Variants in TMEM161B observed in about 807,000 individuals in gnomAD.
TMEM161B encodes the protein transmembrane protein 161B.
TMEM161B carries 34 observed loss-of-function variants against 61.8 expected under a neutral mutation model. The observed-to-expected ratio is 0.55, with a 90% CI of 0.42 to 0.73. The LOEUF (loss-of-function observed/expected upper bound fraction) is 0.73, where lower values mean the gene tolerates loss of function less well. Ranked by LOEUF, TMEM161B falls within the 30% of genes least tolerant of loss-of-function variation. The pLI, the probability that TMEM161B is intolerant of heterozygous loss-of-function variation, is 0.00. For missense variants in TMEM161B, 456 were observed against 558.5 expected (o/e 0.82, Z 1.85); for synonymous variants, 167 against 192.8 (o/e 0.87, Z 1.11).
At chr5:88,246,303 T>C (rs985025733) in intron 1 of TMEM161B, among the ~76,000 whole-genome samples, 1 of 151,760 alleles carries the variant, frequency 6.6e-6, no homozygotes, top group Non-Finnish European at 1.5e-5. Context: ...GTAACTTTTA[T>C]ACCAATACAG....
intron 2 of TMEM161B, among the ~76,000 whole-genome samples, chr5:88,237,227 C>T (rs1358612956): frequency 6.6e-6 from 1 of 152,138 alleles, no homozygotes; most frequent in African/African-American, 2.4e-5. Flanking sequence ...CCCAGCCTCC[C>T]CTGCACTTTG....
chr5:88,196,216 C>G lies in TMEM161B; in HGVS notation c.1459G>C (p.Ala487Pro). 6.2e-7 allele frequency: 1 copy of G among 1,602,300 alleles called. No individual in the cohort carries two copies. Among genetic ancestry groups the G allele is most frequent in the Non-Finnish European group, 8.5e-7 (1 of 1,175,402 alleles). ...GCTTTTTTGTTAACTGAGATTCATGCCACAGTCAGATACTGGTGATAGAAA... is the reference window on the plus strand; with the variant it reads ...GCTTTTTTGTTAACTGAGATTCATGGCACAGTCAGATACTGGTGATAGAAA... Reference protein sequence around the residue: ...GLFYHQYLTVA With the variant: ...GLFYHQYLTVP Residue 487 changes from alanine (A) to proline (P), a missense_variant, in exon 12 of 12, where the codon GCA becomes CCA. By Grantham distance (27) the Ala-to-Pro change is conservative (BLOSUM62 -1). Transcript: ENST00000296595.
chr5:88,266,973 G>A (rs1318271630), intron 1 of TMEM161B, among the ~76,000 whole-genome samples: 1 of 152,182 alleles, frequency 6.6e-6, no homozygotes. Context: ...GAACCGACAG[G>A]ATAAGCAGGA....
chr5:88,208,412 G>A lies in TMEM161B; in HGVS notation c.447-1232C>T, dbSNP rs1580394974. ...CAGCAGAATGGCGTGAACCCGGGAG[G>A]CGGAGCTTGCAGTGAGCTGAGATCG... is the stretch of plus-strand genomic sequence containing the variant. On this transcript the variant is annotated intron_variant, in intron 5 of 11. Transcript: ENST00000296595. 2.0e-5 allele frequency among the ~76,000 whole-genome samples: 3 copies of A among 152,228 alleles called. No homozygotes were observed. In the South Asian group the frequency reaches 6.2e-4, roughly 32 times the overall value.
chr5:88,264,996 A>G (rs568980390), intron 1 of TMEM161B, among the ~76,000 whole-genome samples: 2 of 152,256 alleles, frequency 1.3e-5, no homozygotes, highest in South Asian at 4.1e-4. Flanking sequence ...AGAGTTTAAA[A>G]CATAGATGAT....
rs76676132 is a variant in TMEM161B, at chr5:88,224,318, T to C, written c.289+1451A>G. Reference sequence around the variant, plus strand: ...TTCAAGGATAGGAGTAGGGAATCTATTTCAAAGAACTCATCAAGTGGTTTT... The same window carrying C: ...TTCAAGGATAGGAGTAGGGAATCTACTTCAAAGAACTCATCAAGTGGTTTT... On this transcript the variant is annotated intron_variant, in intron 4 of 11. Transcript: ENST00000296595. 1.8e-4 allele frequency among the ~76,000 whole-genome samples: 27 copies of C among 152,348 alleles called. No individual in the cohort carries two copies. In the East Asian group the frequency reaches 4.8e-3, roughly 27 times the overall value.
At chr5:88,193,648 A>C (rs1749200013), downstream of TMEM161B, among the ~76,000 whole-genome samples, 1 of 152,204 alleles carries the variant, frequency 6.6e-6, no homozygotes, top group South Asian at 2.1e-4. Context: ...ATTCCATCCA[A>C]TAATGAATTC....
chr5:88,242,196 G>C (rs1175675546), intron 1 of TMEM161B, among the ~76,000 whole-genome samples: 2 of 151,532 alleles, frequency 1.3e-5, no homozygotes, highest in Non-Finnish European at 3.0e-5. Flanking sequence ...TGTTCTCACT[G>C]TTTCCATTTT....
At chr5:88,209,593 C>T (rs1369558956) in intron 5 of TMEM161B, among the ~76,000 whole-genome samples, 1 of 152,148 alleles carries the variant, frequency 6.6e-6, no homozygotes, top group Non-Finnish European at 1.5e-5. Context: ...ACTTTACAGT[C>T]CCACACCACA....
intron 9 of TMEM161B, chr5:88,200,926 A>T (rs2112360279): frequency 6.6e-6 from 1 of 152,208 alleles, no homozygotes; most frequent in African/African-American, 2.4e-5. Flanking sequence ...TCTGATTACA[A>T]AGACCTTTCC....
rs76666416 is a variant in TMEM161B at position 88,257,940 on chromosome 5, C to T, written c.3+10781G>A. Among the ~76,000 whole-genome samples the T allele has an allele frequency of 4.7e-3, 711 of 152,208 alleles. 11 individuals are homozygous for T. The highest frequency in any genetic ancestry group is 0.016 in the African/African-American group (683 of 41,532). ...AAAGATCTATCTCTCAGATACGTGG[C>T]CAATTCTCTCTTTTTAAATGATTCA... On this transcript the variant is annotated intron_variant, in intron 1 of 11. Transcript: ENST00000296595.
At chr5:88,224,965 G>GTTTTTT (rs1008381182) in intron 4 of TMEM161B, among the ~76,000 whole-genome samples, 42 of 130,954 alleles carry the variant, frequency 3.2e-4, no homozygotes, top group South Asian at 4.6e-4. Flanking sequence ...ATATGTTTTT[G>GTTTTTT]TTTTTTTTTT....
chr5:88,199,870 G>T (rs541349888), intron 9 of TMEM161B: 1 of 152,032 alleles, frequency 6.6e-6, no homozygotes, highest in Non-Finnish European at 1.5e-5. Context: ...AAAGACCATG[G>T]GTTTCTGCTC....
intron 1 of TMEM161B, among the ~76,000 whole-genome samples, chr5:88,265,739 T>G (rs575115970): frequency 6.6e-6 from 1 of 152,168 alleles, no homozygotes; most frequent in African/African-American, 2.4e-5. Context: ...TCCCCTCCAC[T>G]CCCCTCAAAA....
chr5:88,193,921 G>T (rs1257901567), downstream of TMEM161B, among the ~76,000 whole-genome samples: 4 of 152,080 alleles, frequency 2.6e-5, 1 homozygote, highest in Admixed American at 2.6e-4. Flanking sequence ...AAATACACAT[G>T]AAGCGTCATT....
chr5:88,221,673 C>T, intron 4 of TMEM161B: 1 of 455,902 alleles, frequency 2.2e-6, no homozygotes, highest in Non-Finnish European at 4.4e-6. Context: ...AATTCCATCA[C>T]CCTTTGCATC....
At chr5:88,188,053 A>G (rs1229843424), downstream of TMEM161B, among the ~76,000 whole-genome samples, 1 of 152,098 alleles carries the variant, frequency 6.6e-6, no homozygotes, top group African/African-American at 2.4e-5. Flanking sequence ...CTTTCTTATC[A>G]TTTCTAGCTT....
chr5:88,246,817 G>C (rs948130589), intron 1 of TMEM161B, among the ~76,000 whole-genome samples: 1 of 151,912 alleles, frequency 6.6e-6, no homozygotes, highest in African/African-American at 2.4e-5. Context: ...AATGAGCAGA[G>C]ATGCAATGAA....
Position 88,226,236 on chromosome 5 carries a change from A to AACAC in TMEM161B, c.192-374_192-371dup, listed in dbSNP as rs551510315. Among the ~76,000 whole-genome samples, 571 of 151,868 alleles carry AACAC rather than the reference A, an allele frequency of 3.8e-3. 5 individuals carry two copies. Among genetic ancestry groups the AACAC allele is most frequent in the Middle Eastern group, 0.02 (6 of 294 alleles). ...ACTTCTCCTTGAAGTGACGTGTATA[A>AACAC]ACACACACACACACATACATATAAA... On this transcript the variant is annotated intron_variant, in intron 3 of 11. Transcript: ENST00000296595.
Sources: gnomAD v4.1 joint callset for allele counts (sites outside exome capture counted in the v4.1 genomes callset) on GRCh38, gnomAD v4.1.1 for gene constraint, MANE v1.5 for transcripts, NCBI Gene and HGNC (gene_info 2026-07-23, HGNC 2026-07-21) for gene names.